The following CPAMD8 variants were observed in gnomAD, a reference collection of about 807,000 sequenced individuals.
The protein encoded by CPAMD8 is C3 and PZP-like alpha-2-macroglobulin domain-containing protein 8.
A neutral mutation model predicts 224.7 loss-of-function variants in CPAMD8; 146 were observed. The observed-to-expected ratio is 0.65, with a 90% confidence interval of 0.57 to 0.75. The LOEUF (loss-of-function observed/expected upper bound fraction) is 0.75. CPAMD8 is among the 30% of genes least tolerant of loss of function. The probability of loss-of-function intolerance (pLI) is 0.00; values close to 1 mark genes in which losing one functional copy is unlikely to be tolerated. For missense variants in CPAMD8, 2,301 were observed against 2,537.5 expected (o/e 0.91, Z 2.00); for synonymous variants, 966 against 1,044.6 (o/e 0.92, Z 1.45).
rs1053889413 is a variant in CPAMD8 at position 16,947,223 on chromosome 19, T to C, written c.2513A>G (p.Tyr838Cys). 2.5e-6 allele frequency: 4 copies of C among 1,611,334 alleles called. No homozygotes were observed. Among genetic ancestry groups the C allele is most frequent in the Non-Finnish European group, 3.4e-6 (4 of 1,178,640 alleles). ...GCCCTTGGGAACCGAGAGCTTCATG[T>C]ACACCTGCAGAGGGTGGCATTGGCT... is the stretch of plus-strand genomic sequence containing the variant. ...YNYMGTCAEV[Y>C]MKLSVPKGIQ... Residue 838 changes from tyrosine (Y) to cysteine (C), a missense_variant, in exon 21 of 42, where the codon TAC becomes TGC. Transcript: ENST00000443236.
At position 16,969,241 on chromosome 19, in the gene CPAMD8, G is replaced by A. The variant is rs146875690; in HGVS notation, c.2213+1650C>T. Among the ~76,000 whole-genome samples the A allele has an allele frequency of 9.2e-5, 14 of 152,264 alleles. No homozygotes were observed. The East Asian group carries it at 2.3e-3, about 25-fold the overall frequency. ...GGGGTAGGGCTAAGAATTGGGTAGG[G>A]AGGAGGTATATGAAGCAATCAGTGT... On this transcript the variant is annotated intron_variant, in intron 18 of 41. Coordinates refer to ENST00000443236, the MANE Select transcript of CPAMD8 (RefSeq NM_015692.5).
intron 2 of CPAMD8, 127 bp downstream of exon 2, chr19:17,021,903 T>G: frequency 5.7e-6 from 2 of 350,736 alleles, no homozygotes; most frequent in Non-Finnish European, 5.7e-6. Flanking sequence ...CTCCCTCCCA[T>G]GCCCCTGGGG....
At chr19:16,951,354 G>A (rs1373627397) in intron 20 of CPAMD8, among the ~76,000 whole-genome samples, 1 of 151,914 alleles carries the variant, frequency 6.6e-6, no homozygotes, top group Non-Finnish European at 1.5e-5. Flanking sequence ...TTTTTCAAAT[G>A]GTTAGGAGGA....
chr19:16,913,301 T>C (rs2052797786), intron 29 of CPAMD8, among the ~76,000 whole-genome samples: 1 of 152,100 alleles, frequency 6.6e-6, no homozygotes, highest in Admixed American at 6.6e-5. Flanking sequence ...ACTCCTAATA[T>C]GATGGTATTA....
intron 17 of CPAMD8, among the ~76,000 whole-genome samples, chr19:16,973,923 G>A (rs980971686): frequency 3.6e-5 from 5 of 140,070 alleles, no homozygotes; most frequent in East Asian, 2.4e-4. Context: ...TCCACCTCCC[G>A]GGCTCAAGTG....
At chr19:17,020,747 G>A (rs1407017345) in intron 2 of CPAMD8, among the ~76,000 whole-genome samples, 1 of 152,184 alleles carries the variant, frequency 6.6e-6, no homozygotes, top group Non-Finnish European at 1.5e-5. Flanking sequence ...GGACCTGACT[G>A]TTCTCCCATC....
intron 7 of CPAMD8, among the ~76,000 whole-genome samples, chr19:17,005,117 GCCT>G (rs1376118106): frequency 3.3e-4 from 49 of 150,120 alleles, no homozygotes; most frequent in Non-Finnish European, 6.5e-4. Flanking sequence ...ATCATCCCTG[GCCT>G]CCACTCACCA....
intron 29 of CPAMD8, chr19:16,910,933 A>T (rs1053769060): frequency 6.6e-6 from 1 of 152,420 alleles, no homozygotes; most frequent in African/African-American, 2.4e-5. Flanking sequence ...CTCTTCCCTT[A>T]GAGCCTGCAG....
intron 18 of CPAMD8, among the ~76,000 whole-genome samples, chr19:16,969,535 T>C (rs1045072551): frequency 3.3e-5 from 5 of 152,064 alleles, no homozygotes; most frequent in East Asian, 1.9e-4. Flanking sequence ...TTCTAGGAGA[T>C]GATCAGGTTA....
At chr19:16,949,547 G>A (rs2054233547) in intron 20 of CPAMD8, among the ~76,000 whole-genome samples, 2 of 152,070 alleles carry the variant, frequency 1.3e-5, no homozygotes, top group South Asian at 2.1e-4. Context: ...ACTCCTCACC[G>A]AAGCCACCCT....
Position 16,955,259 on chromosome 19 carries a change from C to T in CPAMD8, c.2276+2594G>A, listed in dbSNP as rs1238296890. ...GCAGTGAGCCGAGATTGTGCCACTG[C>T]ACTCCAGCCTGGTGACAGAGCAAGA... On this transcript the variant is annotated intron_variant, in intron 19 of 41. Transcript: ENST00000443236. Among the ~76,000 whole-genome samples the T allele has an allele frequency of 2.0e-5, 3 of 151,240 alleles. No homozygotes were observed. In the South Asian group the frequency reaches 6.2e-4, roughly 31 times the overall value.
chr19:16,906,836 A>G (rs2052536177), intron 30 of CPAMD8, 116 bp downstream of exon 30: 1 of 1,043,974 alleles, frequency 9.6e-7, no homozygotes, highest in Admixed American at 2.2e-5. Flanking sequence ...CAGCCTCCTG[A>G]GTAGCTGGGA....
At chr19:16,919,757 C>T (rs1000540781) in intron 27 of CPAMD8, among the ~76,000 whole-genome samples, 2 of 152,204 alleles carry the variant, frequency 1.3e-5, no homozygotes, top group Non-Finnish European at 2.9e-5. Flanking sequence ...CAGAGCCTAG[C>T]TCACTCAATG....
chr19:16,975,766 A>G (rs533594424), intron 16 of CPAMD8, among the ~76,000 whole-genome samples: 2 of 152,314 alleles, frequency 1.3e-5, no homozygotes, highest in Admixed American at 6.5e-5. Flanking sequence ...ACCTGGCCCA[A>G]TGTCATGTTG....
Position 16,903,560 on chromosome 19 carries a change from C to A in CPAMD8, c.4470+1G>T. ...TCACCTCGTGCTCCCCAAAACCTCA[C>A]CTGCATCAGGCAGCAGCCGTCCCCC... is the stretch of plus-strand genomic sequence containing the variant. On this transcript the variant is annotated splice_donor_variant, in intron 34 of 41. Transcript: ENST00000443236. LOFTEE classifies it high-confidence loss of function. The A allele has an allele frequency of 6.2e-7, 1 of 1,614,128 alleles. No homozygotes were observed. The highest frequency in any genetic ancestry group is 1.1e-5 in the South Asian group (1 of 91,078).
rs538162774 is a variant in CPAMD8, at chr19:17,017,233, C to A, written c.267+3098G>T. On this transcript the variant is annotated intron_variant, in intron 3 of 41. Transcript: ENST00000443236. ...ATGATCTGTTACTGTCTCACATCAC[C>A]CCCAGGTGGGACCATCTAGTTGAAG... Among the ~76,000 whole-genome samples, 11 of 152,282 alleles carry A rather than the reference C, an allele frequency of 7.2e-5. No individual in the cohort carries two copies. The East Asian group carries it at 1.9e-3, about 27-fold the overall frequency.
chr19:17,012,342 CTTTCTTTCT>C (rs2056680492), intron 3 of CPAMD8, among the ~76,000 whole-genome samples: 2 of 120,036 alleles, frequency 1.7e-5, no homozygotes, highest in African/African-American at 5.9e-5. Context: ...TTCTTTCTTT[CTTTCTTTCT>C]TTTTTTTTTT....
In CPAMD8 at chr19:16,897,748, C is replaced by T. The variant is rs1287913511; in HGVS notation, c.5008G>A (p.Glu1670Lys). Residue 1670 changes from glutamate to lysine, a missense_variant, in exon 39 of 42, where the codon GAA (glutamate) becomes AAA (lysine). This residue lies in a region of CPAMD8 where 1,709 missense variants were observed against 1,753.2 expected (regional missense o/e 0.97). Transcript: ENST00000443236. ...TTGCACGCGGGTCCGGCGCACAGTT[C>T]CCGGGCGAGTGGGCTGTGGGTGCTG... is the stretch of plus-strand genomic sequence containing the variant. Reference protein sequence around the residue: ...NVSTHSPLARELCAGPACNEV... With the variant: ...NVSTHSPLARKLCAGPACNEV... 4 of 1,580,528 alleles carry T rather than the reference C, an allele frequency of 2.5e-6. No homozygotes were observed. The highest frequency in any genetic ancestry group is 1.9e-5 in the Admixed American group (1 of 53,628).
rs555737412 is a variant in CPAMD8 at position 16,945,568 on chromosome 19, C to T, written c.2774G>A (p.Arg925Lys). 6.2e-7 allele frequency: 1 copy of T among 1,614,176 alleles called. No homozygotes were observed. Among genetic ancestry groups the T allele is most frequent in the Non-Finnish European group, 8.5e-7 (1 of 1,179,974 alleles). ...CCTTACCTCAACCATCACACTGCGC[C>T]TGACGTGATCCACCCCGATGGGGAC... The part of the protein sequence containing the change: ...RRVPIGVDHV[R>K]RSVMVEAEGV... The change falls in exon 22 of 42, where the codon AGG becomes AAG. Residue 925 changes from arginine (R) to lysine (K), a missense_variant. By Grantham distance (26) the Arg-to-Lys change is conservative (BLOSUM62 2). Around this residue, in one of 4 missense-constraint regions of CPAMD8, gnomAD observed 1,709 missense variants for 1,753.2 expected, o/e 0.97. Coordinates refer to ENST00000443236, the MANE Select transcript of CPAMD8 (RefSeq NM_015692.5).
Sources: gnomAD v4.1 joint callset for allele counts (sites outside exome capture counted in the v4.1 genomes callset) on GRCh38, gnomAD v4.1.1 for gene constraint, gnomAD v4.1.1 regional missense constraint, MANE v1.5 for transcripts, NCBI Gene and HGNC (gene_info 2026-07-23, HGNC 2026-07-21) for gene names.